The following ZFPM1 variants were observed in gnomAD, a reference collection of about 807,000 sequenced individuals.
ZFPM1 encodes zinc finger protein, FOG family member 1, also known as zinc finger protein ZFPM1.
Under a neutral mutation model 46.3 loss-of-function variants are expected in ZFPM1, and 28 were observed. The ratio of observed to expected loss-of-function variants is 0.60; its 90% CI spans 0.45 to 0.83. ZFPM1 has a LOEUF of 0.83. Among genes scored for constraint, ZFPM1 ranks in the 40% least tolerant of loss-of-function variants. The pLI is 0.00. For missense variants in ZFPM1, 1,878 were observed against 1,432.4 expected (o/e 1.31, Z -5.02); for synonymous variants, 957 against 675.9 (o/e 1.42, Z -6.45).
intron 1 of ZFPM1, among the ~76,000 whole-genome samples, chr16:88,456,846 G>A (rs1283235517): frequency 6.6e-6 from 1 of 152,150 alleles, no homozygotes; most frequent in African/African-American, 2.4e-5. Context: ...AGGGTCCACC[G>A]AGGCACTTTG....
At chr16:88,482,844 G>A (rs561697545) in intron 1 of ZFPM1, among the ~76,000 whole-genome samples, 2 of 152,188 alleles carry the variant, frequency 1.3e-5, no homozygotes, top group South Asian at 2.1e-4. Context: ...TGAGCTGATC[G>A]TTCCGCGTGC....
At chr16:88,468,740 G>A (rs1908276476) in intron 1 of ZFPM1, among the ~76,000 whole-genome samples, 1 of 152,090 alleles carries the variant, frequency 6.6e-6, no homozygotes, top group African/African-American at 2.4e-5. Context: ...CAGCCTGTTG[G>A]CAGCCAATGG....
intron 3 of ZFPM1, among the ~76,000 whole-genome samples, chr16:88,506,776 G>A (rs558879568): frequency 1.1e-3 from 164 of 152,314 alleles, no homozygotes; most frequent in Middle Eastern, 3.4e-3. Flanking sequence ...GGGGACCCAG[G>A]AGGAGGCAGG....
At chr16:88,501,905 T>C (rs1423149188) in intron 3 of ZFPM1, among the ~76,000 whole-genome samples, 1 of 152,046 alleles carries the variant, frequency 6.6e-6, no homozygotes, top group Non-Finnish European at 1.5e-5. Context: ...CCTGGGCCGA[T>C]GAGCAAACTG....
chr16:88,460,253 T>C (rs1471628552), intron 1 of ZFPM1, among the ~76,000 whole-genome samples: 1 of 152,176 alleles, frequency 6.6e-6, no homozygotes, highest in East Asian at 1.9e-4. Context: ...CCAGGGTTTA[T>C]CGAGGGTCCC....
chr16:88,536,180 A>G lies in ZFPM1; in HGVS notation c.*1201A>G, dbSNP rs1018977650. 6.6e-6 allele frequency: 1 copy of G among 151,880 alleles called. No homozygotes were observed. The highest frequency in any genetic ancestry group is 1.5e-5 in the Non-Finnish European group (1 of 67,956). 9.4% of individuals were successfully genotyped at this position (151,880 alleles called of 1,614,324 possible). ...TATGTTGCCCAGGCTGGGCAACCCT[A>G]TATTTTTTAGAGCTAAGGTCTTGTT... On this transcript the variant is annotated 3_prime_UTR_variant, in exon 10 of 10. Coordinates refer to ENST00000319555, the MANE Select transcript of ZFPM1 (RefSeq NM_153813.3).
At chr16:88,527,957 C>G in intron 5 of ZFPM1, 75 bp from the exon 6 acceptor site, 1 of 1,421,444 alleles carries the variant, frequency 7.0e-7, no homozygotes, top group Non-Finnish European at 9.5e-7. Context: ...CTGACCCCAT[C>G]CTCTGCCCCT....
At chr16:88,465,860 G>A (rs574128869) in intron 1 of ZFPM1, among the ~76,000 whole-genome samples, 368 of 152,358 alleles carry the variant, frequency 2.4e-3, no homozygotes, top group South Asian at 5.2e-3. Flanking sequence ...TTAGAGCCCG[G>A]CGTGCGGCTA....
At chr16:88,515,742 T>C (rs377031657) in intron 4 of ZFPM1, among the ~76,000 whole-genome samples, 5 of 152,200 alleles carry the variant, frequency 3.3e-5, no homozygotes, top group African/African-American at 9.7e-5. Flanking sequence ...GTCAGTTTTC[T>C]CCATGGAAGG....
intron 3 of ZFPM1, 135 bp from the exon 4 acceptor site, chr16:88,514,252 C>G (rs557420679): frequency 3.1e-5 from 44 of 1,432,842 alleles, no homozygotes; most frequent in Non-Finnish European, 3.8e-5. Flanking sequence ...GACCCAGCAC[C>G]TGCCCGGCCC....
chr16:88,468,004 C>A (rs1400667483), intron 1 of ZFPM1, among the ~76,000 whole-genome samples: 1 of 145,786 alleles, frequency 6.9e-6, no homozygotes, highest in Non-Finnish European at 1.5e-5. Flanking sequence ...CACCCGCGAG[C>A]CCCCCACCGC....
intron 1 of ZFPM1, among the ~76,000 whole-genome samples, chr16:88,466,855 T>G (rs1908157258): frequency 1.3e-5 from 2 of 152,258 alleles, no homozygotes; most frequent in South Asian, 4.1e-4. Flanking sequence ...CTCACTTGTA[T>G]CATGGGCATG....
chr16:88,460,987 G>T (rs1312479942), intron 1 of ZFPM1, among the ~76,000 whole-genome samples: 6 of 111,928 alleles, frequency 5.4e-5, no homozygotes, highest in Admixed American at 1.7e-4. Context: ...CGAGGGGAGG[G>T]GCGGGAGGCC....
chr16:88,533,933 G>A lies in ZFPM1; in HGVS notation c.1975G>A (p.Gly659Ser). 1.6e-6 allele frequency: 2 copies of A among 1,256,314 alleles called. No individual in the cohort carries two copies. The highest frequency in any genetic ancestry group is 3.0e-5 in the Admixed American group (1 of 32,966). The allele number at this position is 1,256,314 out of a possible 1,614,324, so 77.8% of individuals were successfully genotyped here. Residue 659 changes from glycine (G) to serine (S), a missense_variant, in exon 10 of 10, where the codon GGC becomes AGC. By Grantham distance (56) the Gly-to-Ser change is moderately conservative. Transcript: ENST00000319555. ...CGCGGCCACGCCCGAGGACGGCGCG[G>A]GCGGCCGGGGCAGCGAGGGCAGCCA... is the stretch of plus-strand genomic sequence containing the variant. ...GGAATPEDGA[G>S]GRGSEGSQSP...
intron 1 of ZFPM1, among the ~76,000 whole-genome samples, chr16:88,468,315 C>G (rs1337328095): frequency 6.6e-6 from 1 of 152,316 alleles, no homozygotes; most frequent in African/African-American, 2.4e-5. Flanking sequence ...GAGAGCTGAG[C>G]ACTCGGGGTG....
At chr16:88,472,264 G>A (rs1406208697) in intron 1 of ZFPM1, among the ~76,000 whole-genome samples, 6 of 152,184 alleles carry the variant, frequency 3.9e-5, no homozygotes, top group South Asian at 2.1e-4. Flanking sequence ...TCTGCGCCTC[G>A]GTCCCAGGAG....
intron 2 of ZFPM1, among the ~76,000 whole-genome samples, chr16:88,486,809 G>A (rs917936521): frequency 1.6e-4 from 24 of 149,646 alleles, no homozygotes; most frequent in African/African-American, 5.5e-4. Flanking sequence ...GATGCTGGGT[G>A]CACAGCAGAT....
At chr16:88,532,522 G>A in intron 7 of ZFPM1, 92 bp from the exon 8 acceptor site, 1 of 1,350,422 alleles carries the variant, frequency 7.4e-7, no homozygotes, top group Non-Finnish European at 1.0e-6. Context: ...CCCCGGCACA[G>A]ATCACGGCCC....
chr16:88,495,724 G>A (rs1052409053), intron 3 of ZFPM1, among the ~76,000 whole-genome samples: 4 of 152,216 alleles, frequency 2.6e-5, no homozygotes, highest in Non-Finnish European at 4.4e-5. Context: ...GTAACATGAG[G>A]GAAGCCGGGG....
Sources: allele counts gnomAD v4.1 joint callset (sites outside exome capture counted in the v4.1 genomes callset), GRCh38; gene constraint gnomAD v4.1.1; transcripts MANE v1.5; gene names NCBI Gene and HGNC (gene_info 2026-07-23, HGNC 2026-07-21).